Variants in COL18A1 observed in about 807,000 individuals in gnomAD.
COL18A1 encodes the protein collagen alpha-1(XVIII) chain.
A neutral mutation model predicts 168.0 loss-of-function variants in COL18A1; 133 were observed. The ratio of observed to expected loss-of-function variants is 0.79; its 90% confidence interval spans 0.69 to 0.91. The LOEUF is 0.91. Ranked by LOEUF, COL18A1 falls within the 40% of genes least tolerant of loss-of-function variation. COL18A1 has a pLI of 0.00. For synonymous variants in COL18A1, 949 were observed against 809.0 expected (o/e 1.17, Z -2.94); for missense variants, 2,126 against 1,925.4 (o/e 1.10, Z -1.95).
At chr21:45,469,579 G>A (rs1337930931) in intron 3 of COL18A1, among the ~76,000 whole-genome samples, 1 of 152,220 alleles carries the variant, frequency 6.6e-6, no homozygotes, top group Non-Finnish European at 1.5e-5. Flanking sequence ...GGGGTGGACA[G>A]ATCCCTAAAC....
rs562737267 is a variant in COL18A1, at chr21:45,492,027, C to G, written c.2158-508C>G. Among the ~76,000 whole-genome samples the G allele has an allele frequency of 2.6e-5, 4 of 152,354 alleles. No homozygotes were observed. In the South Asian group the frequency reaches 8.3e-4, roughly 32 times the overall value. ...CAGCTGTGTGACACTGGACAAGTTA[C>G]CTAACCCTTGTGCTCCAGCTCCCCA... On this transcript the variant is annotated intron_variant, in intron 22 of 41. Coordinates refer to ENST00000651438, the MANE Select transcript of COL18A1 (RefSeq NM_001379500.1).
intron 2 of COL18A1, among the ~76,000 whole-genome samples, chr21:45,461,841 A>C (rs78071388): frequency 3.0e-4 from 45 of 152,228 alleles, no homozygotes; most frequent in African/African-American, 1.0e-3. Flanking sequence ...ATAATTGCCC[A>C]TGTATTTACC....
intron 2 of COL18A1, among the ~76,000 whole-genome samples, chr21:45,442,087 G>T (rs1168468157): frequency 6.6e-6 from 1 of 152,218 alleles, no homozygotes; most frequent in African/African-American, 2.4e-5. Flanking sequence ...AGGCCCATTT[G>T]CCCTGACTGC....
Position 45,480,703 on chromosome 21 carries a change from C to G in COL18A1, c.1456C>G (p.Pro486Ala). The G allele has an allele frequency of 1.2e-6, 2 of 1,610,916 alleles. No individual in the cohort carries two copies. Among genetic ancestry groups the G allele is most frequent in the Non-Finnish European group, 1.7e-6 (2 of 1,179,946 alleles). ...ATCTGTGTTCGCCCACGTCCAGGGT[C>G]CTCGAGGCTTCCCTGGACCTCCCGG... ...FGGDLEALRG[P>A]RGFPGPPGPP... The change falls in exon 13 of 42, where the codon CCT (proline) becomes GCT (alanine). Residue 486 changes from proline (P) to alanine (A), a missense_variant. Pro to Ala is a conservative substitution (Grantham distance 27). Coordinates refer to ENST00000651438, the MANE Select transcript of COL18A1 (RefSeq NM_001379500.1).
chr21:45,490,351 G>C lies in COL18A1; in HGVS notation c.2031+5G>C, dbSNP rs1323500892. 1.3e-6 allele frequency: 2 copies of C among 1,571,166 alleles called. No individual in the cohort carries two copies. Among genetic ancestry groups the C allele is most frequent in the South Asian group, 2.3e-5 (2 of 85,856 alleles). On this transcript the variant is annotated splice_donor_5th_base_variant and intron_variant, in intron 20 of 41. Coordinates refer to ENST00000651438, the MANE Select transcript of COL18A1 (RefSeq NM_001379500.1). ...GAGGGCATTGCTGGGCCCCAGGTGA[G>C]TTGCCTTGGTGGGCCCAGGGTGCAG...
intron 2 of COL18A1, among the ~76,000 whole-genome samples, chr21:45,411,317 T>TCTCAC (rs2033282410): frequency 6.6e-6 from 1 of 152,058 alleles, no homozygotes; most frequent in East Asian, 1.9e-4. Context: ...GGGCTGGCAT[T>TCTCAC]AGTGGAGAAC....
chr21:45,487,701 T>G, intron 17 of COL18A1, 192 bp downstream of exon 17: 1 of 734,414 alleles, frequency 1.4e-6, no homozygotes, highest in Non-Finnish European at 2.4e-6. Context: ...TTCATTGAAC[T>G]AAAGTCACGG....
intron 15 of COL18A1, among the ~76,000 whole-genome samples, chr21:45,484,295 T>C (rs1462872358): frequency 2.3e-5 from 3 of 133,306 alleles, no homozygotes; most frequent in East Asian, 2.3e-4. Context: ...CCAGCATATG[T>C]GCACACACAC....
chr21:45,490,509 TCC>T (rs2036287989), intron 20 of COL18A1, among the ~76,000 whole-genome samples, 163 bp downstream of exon 20: 1 of 148,466 alleles, frequency 6.7e-6, no homozygotes, highest in African/African-American at 2.5e-5. Flanking sequence ...TCTCTGGGCC[TCC>T]GTGTGCCCAC....
chr21:45,498,101 T>C lies in COL18A1; in HGVS notation c.2683+440T>C. 1.6e-6 allele frequency: 1 copy of C among 621,454 alleles called. No individual in the cohort carries two copies. Among genetic ancestry groups the C allele is most frequent in the East Asian group, 2.7e-5 (1 of 36,666 alleles). 38.5% of individuals were successfully genotyped at this position (621,454 alleles called of 1,614,324 possible). ...GTCTGGAGGGTGAGCCCAGCACCCCTGCTCCCCCAAAGGACAAGAATTCCC... is the reference window on the plus strand; with the variant it reads ...GTCTGGAGGGTGAGCCCAGCACCCCCGCTCCCCCAAAGGACAAGAATTCCC... On this transcript the variant is annotated intron_variant, in intron 32 of 41. Transcript: ENST00000651438. This position sits in a 1 kb window ranked among gnomAD's most constrained non-coding sequence, Gnocchi z 4.5.
chr21:45,457,612 G>T lies in COL18A1; in HGVS notation c.107-10630G>T, dbSNP rs978311665. 6.6e-6 allele frequency among the ~76,000 whole-genome samples: 1 copy of T among 152,192 alleles called. No individual in the cohort carries two copies. The highest frequency in any genetic ancestry group is 1.5e-5 in the Non-Finnish European group (1 of 68,026). On this transcript the variant is annotated intron_variant, in intron 2 of 41. Coordinates refer to ENST00000651438, the MANE Select transcript of COL18A1 (RefSeq NM_001379500.1). This position sits in a 1 kb window ranked among gnomAD's most constrained non-coding sequence, Gnocchi z 4.6. ...CCTGGGGGCAGGGGCAGCCCAGAAA[G>T]GACCCCAGCAGATCCCTCCTCTGTG...
In COL18A1 at chr21:45,512,672, CCCTGTGCAACCTCTTGG is replaced by C. The variant is rs1480328646; in HGVS notation, c.*279_*295del. The stretch of plus-strand genomic sequence containing the variant: ...GGGTCAGGCAGGGTGCAGTATCATG[CCCTGTGCAACCTCTTGG>C]CCTGATCAGACCACGGCTCGATTTC... On this transcript the variant is annotated 3_prime_UTR_variant, in exon 42 of 42. Transcript: ENST00000651438. The C allele has an allele frequency of 1.9e-6, 1 of 528,284 alleles. No individual in the cohort carries two copies. Among genetic ancestry groups the C allele is most frequent in the Non-Finnish European group, 3.4e-6 (1 of 291,174 alleles). The allele number at this position is 528,284 out of a possible 1,614,324, so 32.7% of individuals were successfully genotyped here.
At chr21:45,493,417 C>A in intron 25 of COL18A1, 84 bp from the exon 26 acceptor site, 1 of 1,384,916 alleles carries the variant, frequency 7.2e-7, no homozygotes, top group Non-Finnish European at 1.0e-6. Context: ...GGCCCAGTCA[C>A]AGCGGCCCTG....
intron 2 of COL18A1, among the ~76,000 whole-genome samples, chr21:45,418,050 C>T (rs896411372): frequency 6.6e-5 from 10 of 152,212 alleles, no homozygotes; most frequent in Admixed American, 2.6e-4. Context: ...TAACGTGTGC[C>T]GCCCCCGGAG....
At chr21:45,421,246 C>T (rs1225821074) in intron 2 of COL18A1, 4 of 366,228 alleles carry the variant, frequency 1.1e-5, no homozygotes, top group Admixed American at 1.1e-4. Context: ...GCTTTGAGCC[C>T]CTTGCAAAGG....
At chr21:45,492,436 T>A in intron 22 of COL18A1, 99 bp from the exon 23 acceptor site, 1 of 1,438,458 alleles carries the variant, frequency 7.0e-7, no homozygotes, top group South Asian at 1.1e-5. Flanking sequence ...TTCCTTGAAT[T>A]TCCTGGTTTG....
intron 2 of COL18A1, among the ~76,000 whole-genome samples, chr21:45,458,154 G>C (rs972093742): frequency 1.3e-5 from 2 of 151,242 alleles, no homozygotes; most frequent in Admixed American, 6.6e-5. Flanking sequence ...TGAGCCTGAG[G>C]GGGGCACAGG....
intron 2 of COL18A1, among the ~76,000 whole-genome samples, chr21:45,453,994 A>C (rs556449976): frequency 9.9e-5 from 15 of 152,172 alleles, no homozygotes; most frequent in Non-Finnish European, 1.8e-4. Context: ...AGGAGGGGGC[A>C]GTCTCTGGAA....
rs2037031675 is a variant in COL18A1 at position 45,504,040 on chromosome 21, G to C, written c.2713G>C (p.Glu905Gln). The change falls in exon 33 of 42, where the codon GAG becomes CAG. Residue 905 changes from glutamate (E) to glutamine (Q), a missense_variant. Physicochemically the swap from Glu to Gln is conservative, Grantham distance 29. Coordinates refer to ENST00000651438, the MANE Select transcript of COL18A1 (RefSeq NM_001379500.1). ...GTTTCCGTTTGACTTTCTTCAGTTG[G>C]AGGCTGAAATGAAGGTGGGTGACCT... ...GQFPFDFLQL[E>Q]AEMKGEKGDR... is the part of the protein sequence containing the mutation. The C allele has an allele frequency of 6.2e-7, 1 of 1,613,672 alleles. No individual in the cohort carries two copies. Among genetic ancestry groups the C allele is most frequent in the Non-Finnish European group, 8.5e-7 (1 of 1,179,984 alleles).
Sources: gnomAD v4.1 joint callset for allele counts (sites outside exome capture counted in the v4.1 genomes callset) on GRCh38, gnomAD v4.1.1 for gene constraint, Gnocchi (gnomAD v3.1) non-coding constraint, MANE v1.5 for transcripts, NCBI Gene and HGNC (gene_info 2026-07-23, HGNC 2026-07-21) for gene names.